The following PIK3R5 variants were observed in gnomAD, a reference collection of about 807,000 sequenced individuals.
PIK3R5 encodes the protein phosphoinositide-3-kinase regulatory subunit 5, also known as phosphoinositide 3-kinase regulatory subunit 5.
Under a neutral mutation model 94.9 loss-of-function variants are expected in PIK3R5, and 32 were observed. That is an observed-to-expected ratio of 0.34 (90% CI 0.25 to 0.45). PIK3R5 has a LOEUF of 0.45. Ranked by LOEUF, PIK3R5 falls within the 20% of genes least tolerant of loss-of-function variation. The probability of loss-of-function intolerance (pLI) is 1.00; values close to 1 mark genes in which losing one functional copy is unlikely to be tolerated. For synonymous variants in PIK3R5, 443 were observed against 479.4 expected (o/e 0.92, Z 0.99); for missense variants, 853 against 1,144.6 (o/e 0.75, Z 3.68).
At chr17:8,964,408 T>C (rs1172389926) in intron 1 of PIK3R5, among the ~76,000 whole-genome samples, 1 of 151,770 alleles carries the variant, frequency 6.6e-6, no homozygotes, top group Non-Finnish European at 1.5e-5. Flanking sequence ...ATAATAATAA[T>C]AATTCCACAC....
At position 8,888,806 on chromosome 17, in the gene PIK3R5, CTCCTCCTCT is replaced by C. The variant is rs746642158; in HGVS notation, c.972_980del (p.Glu327_Glu329del). On this transcript the variant is annotated inframe_deletion, in exon 10 of 19. Coordinates refer to ENST00000447110, the MANE Select transcript of PIK3R5 (RefSeq NM_001142633.3). The surrounding 1 kb of genome is among the most constrained non-coding windows in gnomAD (Gnocchi z 7.8). ...TTTCCAAGTCCTCCTCCACCTCCTC[CTCCTCCTCT>C]TCCTCCTCTTCATCATCTCCCAGGA... is the stretch of plus-strand genomic sequence containing the variant. 8 of 1,611,198 alleles carry C rather than the reference CTCCTCCTCT, an allele frequency of 5.0e-6. No homozygotes were observed. In the Admixed American group the frequency reaches 1.3e-4, roughly 27 times the overall value.
chr17:8,895,875 C>T (rs373832570), intron 5 of PIK3R5, among the ~76,000 whole-genome samples: 1 of 152,192 alleles, frequency 6.6e-6, no homozygotes, highest in South Asian at 2.1e-4. Flanking sequence ...ACCCAAGGTA[C>T]CAACAGTTCC....
chr17:8,887,494 G>A (rs61761063), intron 11 of PIK3R5, 27 bp downstream of exon 11: 7 of 1,568,254 alleles, frequency 4.5e-6, no homozygotes, highest in Admixed American at 1.8e-5. Context: ...TACTTTCCCC[G>A]ACCATTGGCC....
rs1241504205 is a variant in PIK3R5, at chr17:8,888,190, G to A, written c.1597C>T (p.Arg533Trp). 1.9e-6 allele frequency: 3 copies of A among 1,613,202 alleles called. No individual in the cohort carries two copies. The highest frequency in any genetic ancestry group is 2.5e-6 in the Non-Finnish European group (3 of 1,179,930). Residue 533 changes from arginine to tryptophan, a missense_variant, in exon 10 of 19, where the codon CGG (arginine) becomes TGG (tryptophan). By Grantham distance (101) the Arg-to-Trp change is moderately radical. Coordinates refer to ENST00000447110, the MANE Select transcript of PIK3R5 (RefSeq NM_001142633.3). The surrounding 1 kb of genome is among the most constrained non-coding windows in gnomAD (Gnocchi z 7.8). ...GSDRISGKVARAYSNLRRLEN... is the reference protein window; with the variant it reads ...GSDRISGKVAWAYSNLRRLEN... ...TCTTACCGAAGGTTGCTGTACGCCCGAGCCACCTTCCCTGAAATCCGATCG... is the reference window on the plus strand; with the variant it reads ...TCTTACCGAAGGTTGCTGTACGCCCAAGCCACCTTCCCTGAAATCCGATCG...
At chr17:8,959,806 C>A in intron 1 of PIK3R5, among the ~76,000 whole-genome samples, 1 of 152,210 alleles carries the variant, frequency 6.6e-6, no homozygotes, top group East Asian at 1.9e-4. Flanking sequence ...ATGAGACAGA[C>A]AATCCAGATC....
intron 1 of PIK3R5, among the ~76,000 whole-genome samples, chr17:8,956,260 C>A (rs1308296334): frequency 6.6e-6 from 1 of 151,452 alleles, no homozygotes; most frequent in Non-Finnish European, 1.5e-5. Context: ...TGGAACTTGC[C>A]ATTCCAGAGC....
chr17:8,931,975 A>C (rs995273824), intron 1 of PIK3R5, among the ~76,000 whole-genome samples: 1 of 152,230 alleles, frequency 6.6e-6, no homozygotes, highest in Non-Finnish European at 1.5e-5. Flanking sequence ...AAGAAAAACA[A>C]GAAAATCCAG....
chr17:8,931,519 C>A (rs139084683), intron 1 of PIK3R5, among the ~76,000 whole-genome samples: 1 of 152,094 alleles, frequency 6.6e-6, no homozygotes, highest in Admixed American at 6.5e-5. Flanking sequence ...AAGGCACTTC[C>A]GTTGTTTGAA....
At chr17:8,957,137 G>T (rs2091478516) in intron 1 of PIK3R5, among the ~76,000 whole-genome samples, 1 of 152,166 alleles carries the variant, frequency 6.6e-6, no homozygotes, top group African/African-American at 2.4e-5. Context: ...AGTCAGACAT[G>T]GCCACCATGA....
In PIK3R5 at chr17:8,886,222, T is replaced by A. The variant is rs749290704; in HGVS notation, c.2128+7A>T. On this transcript the variant is annotated splice_region_variant and intron_variant, in intron 14 of 18. Coordinates refer to ENST00000447110, the MANE Select transcript of PIK3R5 (RefSeq NM_001142633.3). ...TCACCGTCTGTCTCTGCTCAGGCAG[T>A]ACCCACCTGACGCCTTGATGGCACG... 5.6e-6 allele frequency: 9 copies of A among 1,602,242 alleles called. No individual in the cohort carries two copies. The highest frequency in any genetic ancestry group is 7.7e-6 in the Non-Finnish European group (9 of 1,170,972).
chr17:8,886,726 G>T, intron 12 of PIK3R5, 121 bp from the exon 13 acceptor site: 1 of 1,180,164 alleles, frequency 8.5e-7, no homozygotes, highest in East Asian at 2.4e-5. Context: ...GGGGGAGCTG[G>T]TGAGGTGGAA....
intron 1 of PIK3R5, among the ~76,000 whole-genome samples, chr17:8,929,254 G>GA (rs1220588350): frequency 2.0e-5 from 3 of 152,124 alleles, no homozygotes; most frequent in Non-Finnish European, 2.9e-5. Flanking sequence ...CCAATTAAAA[G>GA]ACAGAGATTT....
At chr17:8,936,010 C>A (rs544484846) in intron 1 of PIK3R5, among the ~76,000 whole-genome samples, 1 of 149,606 alleles carries the variant, frequency 6.7e-6, no homozygotes, top group Non-Finnish European at 1.5e-5. Context: ...GCTGAGCTTG[C>A]GCCACTGCAC....
chr17:8,894,239 G>A (rs1043700831), intron 5 of PIK3R5, among the ~76,000 whole-genome samples: 1 of 152,152 alleles, frequency 6.6e-6, no homozygotes, highest in Non-Finnish European at 1.5e-5. Context: ...GCGGAGCATC[G>A]CAGGAGGCAG....
intron 1 of PIK3R5, among the ~76,000 whole-genome samples, chr17:8,933,687 TATATAA>T (rs1466549648): frequency 4.6e-5 from 7 of 152,162 alleles, no homozygotes; most frequent in African/African-American, 1.4e-4. Flanking sequence ...AGTCTAGAAA[TATATAA>T]ATATAATCAT....
rs940241274 is a variant in PIK3R5, at chr17:8,955,445, C to T, written c.-14+10151G>A. On this transcript the variant is annotated intron_variant, in intron 1 of 18. Coordinates refer to ENST00000447110, the MANE Select transcript of PIK3R5 (RefSeq NM_001142633.3). This position sits in a 1 kb window ranked among gnomAD's most constrained non-coding sequence, Gnocchi z 4.4. The stretch of plus-strand genomic sequence containing the variant: ...CTGGCTGGAGGAGAGCGTGATGATT[C>T]GTGGAGAAAGGAGTGGGACTCAACT... 7.2e-5 allele frequency among the ~76,000 whole-genome samples: 11 copies of T among 152,158 alleles called. No homozygotes were observed. The highest frequency in any genetic ancestry group is 3.9e-4 in the East Asian group (2 of 5,194).
At position 8,911,584 on chromosome 17, in the gene PIK3R5, T is replaced by C; in HGVS notation, c.-13-77A>G. 2.2e-6 allele frequency: 2 copies of C among 928,998 alleles called. No homozygotes were observed. Among genetic ancestry groups the C allele is most frequent in the East Asian group, 5.1e-5 (2 of 39,082 alleles). 57.5% of individuals were successfully genotyped at this position (928,998 alleles called of 1,614,324 possible). ...CACCTGGTCCAGTAAAGACAACAGG[T>C]GCTCACAGTGCAGCGCGATCAGCCC... On this transcript the variant is annotated intron_variant, in intron 1 of 18. Transcript: ENST00000447110. The surrounding 1 kb of genome is among the most constrained non-coding windows in gnomAD (Gnocchi z 5.3).
chr17:8,940,395 C>G (rs781708613), intron 1 of PIK3R5, among the ~76,000 whole-genome samples: 1 of 42,006 alleles, frequency 2.4e-5, no homozygotes, highest in East Asian at 3.0e-4. Context: ...AAGCAACCAC[C>G]GGCCATCCTC....
intron 1 of PIK3R5, among the ~76,000 whole-genome samples, chr17:8,957,388 T>C (rs1012196687): frequency 3.3e-5 from 5 of 152,204 alleles, no homozygotes; most frequent in Admixed American, 2.0e-4. Context: ...TTCCAGAGAA[T>C]GACACCCAGT....
Sources: allele counts gnomAD v4.1 joint callset (sites outside exome capture counted in the v4.1 genomes callset), GRCh38; gene constraint gnomAD v4.1.1; non-coding constraint Gnocchi (gnomAD v3.1); transcripts MANE v1.5; gene names NCBI Gene and HGNC (gene_info 2026-07-23, HGNC 2026-07-21).